Variants in MED13L observed in about 807,000 individuals in gnomAD.
MED13L encodes the protein mediator complex subunit 13L.
Under a neutral mutation model 220.9 loss-of-function variants are expected in MED13L, and 7 were observed. That is an observed-to-expected ratio of 0.03 (90% confidence interval 0.02 to 0.06). MED13L has a LOEUF of 0.06. Ranked by LOEUF, MED13L falls within the 10% of genes least tolerant of loss-of-function variation. The probability of loss-of-function intolerance (pLI) is 1.00; values close to 1 mark genes in which losing one functional copy is unlikely to be tolerated. For synonymous variants in MED13L, 1,011 were observed against 1,015.2 expected, an observed-to-expected ratio of 1.00 and a Z score of 0.08; for missense variants, 1,965 against 2,760.5, an observed-to-expected ratio of 0.71 and a Z score of 6.46.
At chr12:116,213,956 T>A (rs184500403) in intron 2 of MED13L, among the ~76,000 whole-genome samples, 207 of 152,312 alleles carry the variant, frequency 1.4e-3, no homozygotes, top group African/African-American at 4.5e-3. Context: ...GTTACATCCA[T>A]CTTGTATAGA....
chr12:116,017,178 T>C (rs998021088), intron 7 of MED13L, among the ~76,000 whole-genome samples: 3 of 152,166 alleles, frequency 2.0e-5, no homozygotes, highest in East Asian at 1.9e-4. Flanking sequence ...CACAATAGCA[T>C]ACAGAGTTAA....
intron 27 of MED13L, among the ~76,000 whole-genome samples, chr12:115,969,637 C>T (rs759779944): frequency 8.6e-5 from 13 of 151,662 alleles, no homozygotes; most frequent in Non-Finnish European, 1.6e-4. Flanking sequence ...TGCAGTGGCA[C>T]GATCTCGGCT....
intron 1 of MED13L, among the ~76,000 whole-genome samples, chr12:116,250,486 G>A (rs61937380): frequency 3.8e-4 from 57 of 151,270 alleles, no homozygotes; most frequent in Non-Finnish European, 6.5e-4. Context: ...TTTCTCGGCC[G>A]GGCATGGTGG....
At chr12:116,153,693 C>T (rs750198803) in intron 2 of MED13L, among the ~76,000 whole-genome samples, 1 of 152,166 alleles carries the variant, frequency 6.6e-6, no homozygotes, top group Non-Finnish European at 1.5e-5. Flanking sequence ...AATATATACA[C>T]ACTTGCTTCT....
At chr12:116,185,291 T>C (rs1482086083) in intron 2 of MED13L, among the ~76,000 whole-genome samples, 2 of 151,464 alleles carry the variant, frequency 1.3e-5, no homozygotes, top group African/African-American at 4.8e-5. Context: ...TTTAAAAATA[T>C]ATACTAATTA....
chr12:116,276,915 G>T (rs189930454), intron 1 of MED13L, 145 bp downstream of exon 1: 6 of 1,012,190 alleles, frequency 5.9e-6, no homozygotes, highest in South Asian at 1.4e-5. Context: ...TCCAAAAGGG[G>T]GAGAATCGGC....
chr12:116,160,566 C>G (rs1334778641), intron 2 of MED13L, among the ~76,000 whole-genome samples: 1 of 150,138 alleles, frequency 6.7e-6, no homozygotes, highest in Non-Finnish European at 1.5e-5. Context: ...AGAGGCTGGA[C>G]TGGATCCAAA....
At chr12:116,213,136 A>G (rs1181804440) in intron 2 of MED13L, among the ~76,000 whole-genome samples, 1 of 152,014 alleles carries the variant, frequency 6.6e-6, no homozygotes, top group Non-Finnish European at 1.5e-5. Context: ...TTTAAACTTC[A>G]TCTCCCACAC....
intron 2 of MED13L, among the ~76,000 whole-genome samples, chr12:116,197,305 G>A (rs1881694181): frequency 6.6e-6 from 1 of 152,142 alleles, no homozygotes; most frequent in African/African-American, 2.4e-5. Context: ...GCTTTCTTTA[G>A]TTATCTGTAC....
Position 115,963,660 on chromosome 12 carries a change from G to C in MED13L, c.6388-141C>G, listed in dbSNP as rs1325297757. The C allele has an allele frequency of 2.8e-5, 20 of 709,106 alleles. No individual in the cohort carries two copies. The Admixed American group carries it at 3.8e-4, about 14-fold the overall frequency. 43.9% of individuals were successfully genotyped at this position (709,106 alleles called of 1,614,324 possible). A position where few individuals can be genotyped will look rare whatever the true frequency, so the allele number is the denominator to read the frequency against. ...TCTGTGAGTCTACAAATTTTAACCT[G>C]CTCAGTAACCCCCAAGGTAATCCCA... is the stretch of plus-strand genomic sequence containing the variant. On this transcript the variant is annotated intron_variant, in intron 29 of 30. Transcript: ENST00000281928.
At chr12:116,009,885 G>A (rs1879287202) in intron 9 of MED13L, among the ~76,000 whole-genome samples, 1 of 152,134 alleles carries the variant, frequency 6.6e-6, no homozygotes. Flanking sequence ...ACTACATGAT[G>A]CCAAGGTTTA....
At chr12:116,030,294 G>A (rs1000193230) in intron 4 of MED13L, among the ~76,000 whole-genome samples, 2 of 151,816 alleles carry the variant, frequency 1.3e-5, no homozygotes, top group Non-Finnish European at 1.5e-5. Context: ...TTTTTTTAAA[G>A]GTTAAAATAA....
At chr12:116,269,557 C>A (rs1873109252) in intron 1 of MED13L, among the ~76,000 whole-genome samples, 1 of 151,040 alleles carries the variant, frequency 6.6e-6, no homozygotes, top group South Asian at 2.1e-4. Context: ...CAGGGAGCAG[C>A]GGCTCATGCC....
chr12:116,250,230 AAC>A (rs894948663), intron 1 of MED13L, among the ~76,000 whole-genome samples: 13 of 151,944 alleles, frequency 8.6e-5, no homozygotes, highest in African/African-American at 2.7e-4. Flanking sequence ...CAAAGAAAAA[AAC>A]AGTTCCCAAA....
Position 115,991,247 on chromosome 12 carries a change from G to C in MED13L, c.3707C>G (p.Pro1236Arg), listed in dbSNP as rs1419460053. ...LLLLQNQHTQ[P>R]FASLNFLDYI... ...GTCCAGGAAATTCAGTGAAGCAAAA[G>C]GTTGTGTGTGTTGATTCTGGAGGAG... Residue 1236 changes from proline to arginine, a missense_variant, in exon 17 of 31, where the codon CCT (proline) becomes CGT (arginine). Pro to Arg is a moderately radical substitution (Grantham distance 103). Coordinates refer to ENST00000281928, the MANE Select transcript of MED13L (RefSeq NM_015335.5). This position sits in a 1 kb window ranked among gnomAD's most constrained non-coding sequence, Gnocchi z 7.7. 1.2e-6 allele frequency: 2 copies of C among 1,614,100 alleles called. No homozygotes were observed.
At chr12:115,988,971 G>T (rs781712041) in intron 17 of MED13L, among the ~76,000 whole-genome samples, 1 of 152,170 alleles carries the variant, frequency 6.6e-6, no homozygotes. Context: ...AAGGCACTGT[G>T]CTTGAACCTA....
intron 2 of MED13L, among the ~76,000 whole-genome samples, chr12:116,167,701 A>G (rs978196235): frequency 2.6e-5 from 4 of 152,156 alleles, no homozygotes; most frequent in Non-Finnish European, 5.9e-5. Flanking sequence ...CCTAAGAAAG[A>G]CTGCTACTGC....
Position 116,015,836 on chromosome 12 carries a change from A to G in MED13L, c.1010-562T>C, listed in dbSNP as rs528757441. Among the ~76,000 whole-genome samples the G allele has an allele frequency of 1.1e-4, 16 of 152,314 alleles. No individual in the cohort carries two copies. In the South Asian group the frequency reaches 2.9e-3, roughly 28 times the overall value. ...TTTGTGTGTGGTACTGTTTGTCCTTATGCCTGACACTATGTATTTAAAACT... is the reference window on the plus strand; with the variant it reads ...TTTGTGTGTGGTACTGTTTGTCCTTGTGCCTGACACTATGTATTTAAAACT... On this transcript the variant is annotated intron_variant, in intron 7 of 30. Transcript: ENST00000281928.
At chr12:116,243,792 G>T (rs1434421703) in intron 1 of MED13L, among the ~76,000 whole-genome samples, 1 of 152,082 alleles carries the variant, frequency 6.6e-6, no homozygotes, top group Admixed American at 6.6e-5. Flanking sequence ...CTAAGGCCTG[G>T]TTTTTCAACC....
Sources: gnomAD v4.1 joint callset for allele counts (sites outside exome capture counted in the v4.1 genomes callset) on GRCh38, gnomAD v4.1.1 for gene constraint, Gnocchi (gnomAD v3.1) non-coding constraint, MANE v1.5 for transcripts, NCBI Gene and HGNC (gene_info 2026-07-23, HGNC 2026-07-21) for gene names.